NOS1AP: variants seen among roughly 807,000 people sequenced by gnomAD.
NOS1AP encodes the protein carboxyl-terminal PDZ ligand of neuronal nitric oxide synthase protein.
NOS1AP carries 21 observed loss-of-function variants against 56.2 expected under a neutral mutation model. That is an observed-to-expected ratio of 0.37 (90% CI 0.26 to 0.54). The LOEUF is 0.54. NOS1AP is among the 20% of genes least tolerant of loss of function. The probability of loss-of-function intolerance (pLI) is 0.84; values close to 1 mark genes in which losing one functional copy is unlikely to be tolerated. For missense variants in NOS1AP, 522 were observed against 657.8 expected (o/e 0.79, Z 2.26); for synonymous variants, 270 against 274.6 (o/e 0.98, Z 0.17).
chr1:162,278,187 A>C (rs1654804822), intron 2 of NOS1AP, among the ~76,000 whole-genome samples: 1 of 152,008 alleles, frequency 6.6e-6, no homozygotes, highest in Non-Finnish European at 1.5e-5. Flanking sequence ...CACCTTCCTC[A>C]AGTGTGCCTG....
chr1:162,120,970 A>G (rs1571030485), intron 1 of NOS1AP, among the ~76,000 whole-genome samples: 1 of 151,994 alleles, frequency 6.6e-6, no homozygotes, highest in Non-Finnish European at 1.5e-5. Flanking sequence ...CTGTTCACCT[A>G]CATCTCTGAT....
intron 1 of NOS1AP, among the ~76,000 whole-genome samples, chr1:162,118,921 G>A (rs965523313): frequency 6.6e-6 from 1 of 152,060 alleles, no homozygotes; most frequent in Non-Finnish European, 1.5e-5. Context: ...CTCATCAACA[G>A]GGAGTGGAAT....
chr1:162,070,008 C>G lies in NOS1AP; in HGVS notation c.-170C>G. 2.4e-6 allele frequency: 1 copy of G among 411,076 alleles called. No homozygotes were observed. The highest frequency in any genetic ancestry group is 5.1e-5 in the South Asian group (1 of 19,780). The allele number at this position is 411,076 out of a possible 1,614,324, so 25.5% of individuals were successfully genotyped here. On this transcript the variant is annotated 5_prime_UTR_variant, in exon 1 of 10. Coordinates refer to ENST00000361897, the MANE Select transcript of NOS1AP (RefSeq NM_014697.3). The stretch of plus-strand genomic sequence containing the variant: ...CAGCTCAGCCCGCTGCCGCTCGGCC[C>G]TCGGCACCGCTCCGGGTCCGGCCGC...
At chr1:162,175,652 T>C (rs1055238443) in intron 2 of NOS1AP, among the ~76,000 whole-genome samples, 3 of 152,168 alleles carry the variant, frequency 2.0e-5, no homozygotes, top group South Asian at 2.1e-4. Context: ...GCTGCTGGAA[T>C]GTGTTTGCAT....
At chr1:162,212,413 C>T (rs571206000) in intron 2 of NOS1AP, among the ~76,000 whole-genome samples, 2 of 152,276 alleles carry the variant, frequency 1.3e-5, no homozygotes, top group Admixed American at 1.3e-4. Flanking sequence ...TCATGAAACA[C>T]AGTCTAGGTT....
chr1:162,224,747 A>C (rs1257104750), intron 2 of NOS1AP, among the ~76,000 whole-genome samples: 2 of 152,184 alleles, frequency 1.3e-5, no homozygotes, highest in African/African-American at 2.4e-5. Context: ...GAAGTTAGAG[A>C]GGACAAGTAG....
chr1:162,325,912 G>A (rs758400031), intron 4 of NOS1AP, among the ~76,000 whole-genome samples: 1 of 151,936 alleles, frequency 6.6e-6, no homozygotes, highest in East Asian at 1.9e-4. Flanking sequence ...TAGCCCCACC[G>A]AGAGATACTG....
intron 4 of NOS1AP, among the ~76,000 whole-genome samples, chr1:162,324,862 C>T (rs1188196431): frequency 6.6e-6 from 1 of 152,148 alleles, no homozygotes; most frequent in Non-Finnish European, 1.5e-5. Flanking sequence ...GAGGTCTCTC[C>T]CAGCCCTGGA....
chr1:162,146,949 C>T (rs572313290), intron 1 of NOS1AP, among the ~76,000 whole-genome samples: 1 of 152,212 alleles, frequency 6.6e-6, no homozygotes, highest in East Asian at 1.9e-4. Flanking sequence ...TTCAGAGTTC[C>T]TATTTGTTAC....
At chr1:162,330,457 G>A (rs1656729725) in intron 4 of NOS1AP, among the ~76,000 whole-genome samples, 1 of 152,164 alleles carries the variant, frequency 6.6e-6, no homozygotes, top group African/African-American at 2.4e-5. Flanking sequence ...AAAAGGGAGG[G>A]GAAGGCTGCT....
intron 2 of NOS1AP, among the ~76,000 whole-genome samples, chr1:162,213,570 G>A (rs750477548): frequency 2.0e-5 from 3 of 152,178 alleles, no homozygotes; most frequent in Non-Finnish European, 4.4e-5. Flanking sequence ...ACATTCAGTT[G>A]CCCAATCTGC....
chr1:162,266,385 T>C (rs1571175089), intron 2 of NOS1AP, among the ~76,000 whole-genome samples: 2 of 152,196 alleles, frequency 1.3e-5, no homozygotes, highest in East Asian at 3.9e-4. Flanking sequence ...GTGGGAAGGA[T>C]ACAGGAATGT....
intron 4 of NOS1AP, among the ~76,000 whole-genome samples, chr1:162,320,466 G>A (rs191285057): frequency 9.5e-4 from 145 of 152,240 alleles, no homozygotes; most frequent in African/African-American, 3.4e-3. Context: ...GAAAGCAAAA[G>A]GATAAACTTG....
In NOS1AP at chr1:162,335,200, T is replaced by C. The variant is rs562691406; in HGVS notation, c.453+2075T>C. ...TGATCTCTGGCTTTCCTGTTTCCTA[T>C]ACCGCTTTCATCCTCACCTACTGAG... On this transcript the variant is annotated intron_variant, in intron 5 of 9. Transcript: ENST00000361897. Among the ~76,000 whole-genome samples the C allele has an allele frequency of 3.9e-5, 6 of 152,344 alleles. No homozygotes were observed. In the South Asian group the frequency reaches 1.2e-3, roughly 32 times the overall value.
intron 5 of NOS1AP, among the ~76,000 whole-genome samples, chr1:162,336,637 T>A (rs1026391641): frequency 2.0e-5 from 3 of 152,190 alleles, no homozygotes; most frequent in Non-Finnish European, 2.9e-5. Flanking sequence ...GGTCACACAG[T>A]GAATCAATGA....
intron 2 of NOS1AP, chr1:162,157,289 G>A (rs560969011): frequency 1.5e-4 from 23 of 152,518 alleles, no homozygotes; most frequent in African/African-American, 5.3e-4. Flanking sequence ...TGGCCAGAAA[G>A]CTGTTTGGTC....
At chr1:162,122,842 A>G (rs911732390) in intron 1 of NOS1AP, among the ~76,000 whole-genome samples, 5 of 152,004 alleles carry the variant, frequency 3.3e-5, no homozygotes, top group African/African-American at 9.7e-5. Flanking sequence ...CAGGATTTAA[A>G]CTTCTTTAAT....
intron 2 of NOS1AP, among the ~76,000 whole-genome samples, chr1:162,227,470 A>G (rs1372788497): frequency 6.6e-6 from 1 of 152,208 alleles, no homozygotes; most frequent in East Asian, 1.9e-4. Context: ...CACTTAGCAC[A>G]TGACAGGAGA....
intron 2 of NOS1AP, among the ~76,000 whole-genome samples, chr1:162,224,010 G>A (rs2101660713): frequency 6.6e-6 from 1 of 152,290 alleles, no homozygotes; most frequent in South Asian, 2.1e-4. Flanking sequence ...GCACTCTCCA[G>A]TTCACTTTGG....
Sources: allele counts gnomAD v4.1 joint callset (sites outside exome capture counted in the v4.1 genomes callset), GRCh38; gene constraint gnomAD v4.1.1; transcripts MANE v1.5; gene names NCBI Gene and HGNC (gene_info 2026-07-23, HGNC 2026-07-21).